Variants in PCDHGB3 observed in about 807,000 individuals in gnomAD.
PCDHGB3 encodes protocadherin gamma subfamily B, 3, also known as protocadherin gamma-B3.
A neutral mutation model predicts 59.2 loss-of-function variants in PCDHGB3; 40 were observed. The observed-to-expected ratio is 0.68, with a 90% CI of 0.52 to 0.88. The LOEUF (loss-of-function observed/expected upper bound fraction) is 0.88, where lower values mean the gene tolerates loss of function less well. PCDHGB3 is among the 40% of genes least tolerant of loss of function. The probability of loss-of-function intolerance (pLI) is 0.00; values close to 1 mark genes in which losing one functional copy is unlikely to be tolerated. For synonymous variants in PCDHGB3, 581 were observed against 503.6 expected (o/e 1.15, Z -2.06); for missense variants, 1,309 against 1,187.9 (o/e 1.10, Z -1.50).
chr5:141,410,399 G>A, intron 1 of PCDHGB3: 1 of 1,614,044 alleles, frequency 6.2e-7, no homozygotes. Flanking sequence ...TGGTCTCTGT[G>A]TCAAGTCTGG....
intron 1 of PCDHGB3, chr5:141,403,197 G>T: frequency 6.2e-7 from 1 of 1,613,986 alleles, no homozygotes; most frequent in Non-Finnish European, 8.5e-7. Flanking sequence ...CCGCGCAGCG[G>T]CACCTTGGTC....
intron 1 of PCDHGB3, chr5:141,421,788 G>T: frequency 6.2e-7 from 1 of 1,613,800 alleles, no homozygotes; most frequent in Non-Finnish European, 8.5e-7. Flanking sequence ...GGGGCAGAAC[G>T]GATGGGGCCA....
At chr5:141,448,069 T>G (rs1184496754) in intron 1 of PCDHGB3, among the ~76,000 whole-genome samples, 1 of 151,202 alleles carries the variant, frequency 6.6e-6, no homozygotes, top group African/African-American at 2.4e-5. Context: ...CTGGGCAACA[T>G]GAACGAAATG....
intron 1 of PCDHGB3, chr5:141,441,162 G>T (rs1009205566): frequency 6.6e-6 from 1 of 152,166 alleles, no homozygotes; most frequent in African/African-American, 2.4e-5. Context: ...TCCTAGAGGC[G>T]ATTTTTACTT....
At chr5:141,508,483 G>T (rs1186425031) in intron 3 of PCDHGB3, among the ~76,000 whole-genome samples, 2 of 152,154 alleles carry the variant, frequency 1.3e-5, no homozygotes, top group East Asian at 3.9e-4. Context: ...TTACATTCTG[G>T]ATTTCCATAT....
At chr5:141,409,381 G>T (rs1258881607) in intron 1 of PCDHGB3, 1 of 1,614,018 alleles carries the variant, frequency 6.2e-7, no homozygotes, top group Admixed American at 1.7e-5. Context: ...TTCCATTCAA[G>T]ATTTATTCTT....
chr5:141,468,505 C>A (rs1293623271), intron 1 of PCDHGB3: 1 of 152,020 alleles, frequency 6.6e-6, no homozygotes, highest in East Asian at 1.9e-4. Context: ...TTCATGTGGA[C>A]AAATTTAGTA....
intron 1 of PCDHGB3, chr5:141,375,696 G>A: frequency 6.2e-7 from 1 of 1,614,260 alleles, no homozygotes; most frequent in African/African-American, 1.3e-5. Flanking sequence ...AGCGACAGCG[G>A]GGACCCGCCT....
chr5:141,389,006 C>G, intron 1 of PCDHGB3: 1 of 1,613,986 alleles, frequency 6.2e-7, no homozygotes, highest in South Asian at 1.1e-5. Context: ...ACAAGGATTC[C>G]AGACACAATG....
rs1167381959 is a variant in PCDHGB3 at position 141,370,958 on chromosome 5, CA to C, written c.565del (p.Ser189ValfsTer6). ...SLIQKENLDG[S>X]RYPELVLKAP... ...TGATTCAGAAGGAGAACCTGGATGG[CA>C]GTAGGTACCCAGAGCTAGTACTGAA... On this transcript the variant is annotated frameshift_variant, in exon 1 of 4. Transcript: ENST00000576222. LOFTEE classifies it high-confidence loss of function. 6.2e-7 allele frequency: 1 copy of C among 1,613,874 alleles called. No individual in the cohort carries two copies.
chr5:141,419,065 C>G (rs763008753), intron 1 of PCDHGB3: 2 of 1,613,786 alleles, frequency 1.2e-6, no homozygotes, highest in South Asian at 2.2e-5. Context: ...ATAATTACTA[C>G]AAGCTAGTAA....
At chr5:141,410,124 G>T in intron 1 of PCDHGB3, 1 of 1,612,726 alleles carries the variant, frequency 6.2e-7, no homozygotes, top group South Asian at 1.1e-5. Flanking sequence ...GCCCGCCAGC[G>T]CCTGCTGGTC....
Position 141,485,495 on chromosome 5 carries a change from T to C in PCDHGB3, c.2416-9312T>C. 1 of 1,613,494 alleles carries C rather than the reference T, an allele frequency of 6.2e-7. No homozygotes were observed. Among genetic ancestry groups the C allele is most frequent in the African/African-American group, 1.3e-5 (1 of 74,780 alleles). On this transcript the variant is annotated intron_variant, in intron 1 of 3. Coordinates refer to ENST00000576222, the MANE Select transcript of PCDHGB3 (RefSeq NM_018924.5). This position sits in a 1 kb window ranked among gnomAD's most constrained non-coding sequence, Gnocchi z 5.7. ...TGCCAGCTGCATCGTGCCCCTGGAG[T>C]TTGTCACCGAAGGTCCTTTGGAAAT...
chr5:141,451,497 G>T (rs2098717489), intron 1 of PCDHGB3, among the ~76,000 whole-genome samples: 1 of 152,214 alleles, frequency 6.6e-6, no homozygotes, highest in Admixed American at 6.5e-5. Flanking sequence ...CCTCCATAGG[G>T]CAACCAGCTT....
intron 1 of PCDHGB3, chr5:141,383,792 CA>C: frequency 6.2e-7 from 1 of 1,613,914 alleles, no homozygotes; most frequent in Non-Finnish European, 8.5e-7. Context: ...AACTCGCTTA[CA>C]GGAGAAATAT....
At chr5:141,376,410 C>T (rs1042594456) in intron 1 of PCDHGB3, 20 of 1,614,226 alleles carry the variant, frequency 1.2e-5, no homozygotes, top group Non-Finnish European at 1.7e-5. Flanking sequence ...CCCAACTATG[C>T]CGACACGCTT....
chr5:141,390,290 C>T (rs1344237469), intron 1 of PCDHGB3: 1 of 1,613,806 alleles, frequency 6.2e-7, no homozygotes, highest in Admixed American at 1.7e-5. Flanking sequence ...AGGTGAGTTT[C>T]CTTTAAGTAT....
Position 141,491,260 on chromosome 5 carries a change from A to G in PCDHGB3, c.2416-3547A>G. On this transcript the variant is annotated intron_variant, in intron 1 of 3. Coordinates refer to ENST00000576222, the MANE Select transcript of PCDHGB3 (RefSeq NM_018924.5). This position sits in a 1 kb window ranked among gnomAD's most constrained non-coding sequence, Gnocchi z 6.9. ...TCTGGAGGATGAGGACCCTGAGGAA[A>G]TGCCCAAATCCAGTGACTTCCTCAT... 6.2e-7 allele frequency: 1 copy of G among 1,614,108 alleles called. No individual in the cohort carries two copies. The highest frequency in any genetic ancestry group is 1.7e-5 in the Admixed American group (1 of 60,028).
intron 2 of PCDHGB3, among the ~76,000 whole-genome samples, chr5:141,498,949 AAGAG>A (rs1417276243): frequency 1.3e-4 from 18 of 133,552 alleles, no homozygotes; most frequent in African/African-American, 1.9e-4. Context: ...AAGAAAGAAA[AAGAG>A]AGAGAGGGAG....
Sources: gnomAD v4.1 joint callset for allele counts (sites outside exome capture counted in the v4.1 genomes callset) on GRCh38, gnomAD v4.1.1 for gene constraint, Gnocchi (gnomAD v3.1) non-coding constraint, MANE v1.5 for transcripts, NCBI Gene and HGNC (gene_info 2026-07-23, HGNC 2026-07-21) for gene names.